TSNARE1: variants seen among roughly 807,000 people sequenced by gnomAD.
TSNARE1 encodes t-SNARE domain-containing protein 1.
In TSNARE1, 49 loss-of-function variants were observed where a neutral mutation model predicts 62.0. That is an observed-to-expected ratio of 0.79 (90% CI 0.63 to 1.00). The LOEUF is 1.00. TSNARE1 is among the 50% of genes least tolerant of loss of function. The probability of loss-of-function intolerance (pLI) is 0.00; values close to 1 mark genes in which losing one functional copy is unlikely to be tolerated. For synonymous variants in TSNARE1, 328 were observed against 294.4 expected (o/e 1.11, Z -1.17); for missense variants, 755 against 700.1 (o/e 1.08, Z -0.88).
At chr8:142,376,684 G>A (rs1226509094) in intron 1 of TSNARE1, among the ~76,000 whole-genome samples, 1 of 152,226 alleles carries the variant, frequency 6.6e-6, no homozygotes, top group African/African-American at 2.4e-5. Flanking sequence ...ATGGCCTGGA[G>A]AAGGTGTCAG....
intron 12 of TSNARE1, chr8:142,270,417 G>C (rs944975707): frequency 4.1e-6 from 4 of 984,880 alleles, no homozygotes; most frequent in Non-Finnish European, 3.6e-6. Context: ...AATACTTTTT[G>C]CAAGAAAAAT....
intron 6 of TSNARE1, among the ~76,000 whole-genome samples, chr8:142,318,914 G>A (rs920677887): frequency 6.6e-6 from 1 of 151,872 alleles, no homozygotes; most frequent in Non-Finnish European, 1.5e-5. Context: ...CACAGAGAAA[G>A]AGGAGGGGGC....
intron 10 of TSNARE1, among the ~76,000 whole-genome samples, chr8:142,287,530 C>T (rs1187380344): frequency 6.9e-6 from 1 of 145,020 alleles, no homozygotes; most frequent in Non-Finnish European, 1.5e-5. Context: ...GGCCAGATCT[C>T]GGGGATGGTG....
intron 2 of TSNARE1, among the ~76,000 whole-genome samples, chr8:142,346,421 C>T (rs1162054035): frequency 6.6e-6 from 1 of 152,280 alleles, no homozygotes; most frequent in Non-Finnish European, 1.5e-5. Flanking sequence ...CCAGCCCCCG[C>T]ACGGAACGCA....
At chr8:142,351,664 T>C (rs1834105712) in intron 2 of TSNARE1, among the ~76,000 whole-genome samples, 1 of 152,052 alleles carries the variant, frequency 6.6e-6, no homozygotes, top group African/African-American at 2.4e-5. Flanking sequence ...GACACTTCTG[T>C]AGAAAAATAA....
At position 142,354,734 on chromosome 8, in the gene TSNARE1, G is replaced by C; in HGVS notation, c.-10C>G. 1 of 1,611,396 alleles carries C rather than the reference G, an allele frequency of 6.2e-7. No individual in the cohort carries two copies. The highest frequency in any genetic ancestry group is 8.5e-7 in the Non-Finnish European group (1 of 1,178,098). Reference sequence around the variant, plus strand: ...TGGATCCGTATGACATCTTCTTACAGATGGCAGGGCCAGCAGCCTCCACAC... The same window carrying C: ...TGGATCCGTATGACATCTTCTTACACATGGCAGGGCCAGCAGCCTCCACAC... On this transcript the variant is annotated 5_prime_UTR_variant, in exon 2 of 14. In the 5' UTR this introduces an upstream ATG that the reference lacks. Transcript: ENST00000524325.
chr8:142,289,947 C>T (rs1252854219), intron 10 of TSNARE1, among the ~76,000 whole-genome samples: 1 of 152,160 alleles, frequency 6.6e-6, no homozygotes, highest in African/African-American at 2.4e-5. Flanking sequence ...GAGGGCCCAC[C>T]ACAAGAGACA....
chr8:142,354,383 C>T (rs1309045775), intron 2 of TSNARE1, among the ~76,000 whole-genome samples: 1 of 152,090 alleles, frequency 6.6e-6, no homozygotes, highest in Non-Finnish European at 1.5e-5. Flanking sequence ...GCTTGGTGCT[C>T]TAAGTGCCAG....
At chr8:142,282,855 A>C (rs1458046827) in intron 11 of TSNARE1, among the ~76,000 whole-genome samples, 1 of 104,298 alleles carries the variant, frequency 9.6e-6, no homozygotes, top group Non-Finnish European at 1.9e-5. Flanking sequence ...GCCAGTGTCT[A>C]TCAATGAGCA....
rs1346146558 is a variant in TSNARE1 at position 142,318,579 on chromosome 8, T to C, written c.949A>G (p.Lys317Glu). 1 of 1,613,438 alleles carries C rather than the reference T, an allele frequency of 6.2e-7. No individual in the cohort carries two copies. The highest frequency in any genetic ancestry group is 1.3e-5 in the African/African-American group (1 of 74,870). The change falls in exon 7 of 14, where the codon AAG (lysine) becomes GAG (glutamate). Residue 317 changes from lysine (K) to glutamate (E), a missense_variant. Transcript: ENST00000524325. The stretch of plus-strand genomic sequence containing the variant: ...CTGCGCAGCAGCTCGGCCATCTGCT[T>C]CACGGAGCTGGCGCTGGCTGCAATG... Reference protein sequence around the residue: ...KTIAASASSVKQMAELLRSSC... With the variant: ...KTIAASASSVEQMAELLRSSC...
intron 10 of TSNARE1, among the ~76,000 whole-genome samples, chr8:142,288,999 CG>C (rs1322103230): frequency 3.9e-5 from 6 of 152,174 alleles, no homozygotes; most frequent in Admixed American, 2.6e-4. Context: ...TGACCTCTTT[CG>C]AGCGAACGCA....
chr8:142,264,064 G>A (rs1330178102), intron 12 of TSNARE1, among the ~76,000 whole-genome samples: 1 of 152,056 alleles, frequency 6.6e-6, no homozygotes, highest in Non-Finnish European at 1.5e-5. Context: ...AGCATTGAAG[G>A]CTACTAAGTT....
At chr8:142,307,190 A>G (rs1280545771) in intron 9 of TSNARE1, among the ~76,000 whole-genome samples, 1 of 152,130 alleles carries the variant, frequency 6.6e-6, no homozygotes, top group Admixed American at 6.5e-5. Flanking sequence ...GCATGAATTC[A>G]GCTTGGACTC....
intron 6 of TSNARE1, among the ~76,000 whole-genome samples, chr8:142,321,498 T>C (rs1278560905): frequency 1.3e-5 from 2 of 151,966 alleles, no homozygotes; most frequent in East Asian, 1.9e-4. Flanking sequence ...ATTAATAAAA[T>C]AGCAAACAGA....
chr8:142,258,437 C>T (rs1248616085), intron 12 of TSNARE1, among the ~76,000 whole-genome samples: 1 of 151,600 alleles, frequency 6.6e-6, no homozygotes, highest in Non-Finnish European at 1.5e-5. Flanking sequence ...GGGCCTTCTG[C>T]CTTCCCTCAG....
intron 4 of TSNARE1, among the ~76,000 whole-genome samples, chr8:142,336,934 G>A (rs1309285507): frequency 6.6e-6 from 1 of 151,938 alleles, no homozygotes; most frequent in African/African-American, 2.4e-5. Flanking sequence ...AGAAATCAAA[G>A]AGAAATTAGG....
intron 9 of TSNARE1, among the ~76,000 whole-genome samples, chr8:142,309,944 T>G (rs1391211464): frequency 6.6e-6 from 1 of 151,566 alleles, no homozygotes; most frequent in Admixed American, 6.6e-5. Context: ...TCCCAGATTT[T>G]CTGTACCTCT....
intron 1 of TSNARE1, among the ~76,000 whole-genome samples, chr8:142,357,133 GAAAGAAGGAC>G (rs1834810103): frequency 6.6e-6 from 1 of 152,222 alleles, no homozygotes; most frequent in Non-Finnish European, 1.5e-5. Context: ...GAGAGTTCCA[GAAAGAAGGAC>G]AGGAGGGCCA....
rs1376867746 is a variant in TSNARE1, at chr8:142,275,737, T to C, written c.1364-874A>G. 37 of 985,278 alleles carry C rather than the reference T, an allele frequency of 3.8e-5. 1 individual carries two copies. In the Admixed American group the frequency reaches 2.3e-3, roughly 61 times the overall value. 61.0% of individuals were successfully genotyped at this position (985,278 alleles called of 1,614,324 possible). On this transcript the variant is annotated intron_variant, in intron 11 of 13. Coordinates refer to ENST00000524325, the MANE Select transcript of TSNARE1 (RefSeq NM_145003.5). ...GGGAGGCAGGAGTATCTAAACAAAC[T>C]GTGCACCTGCAGTGCCTACCAGGGC...
Sources: gnomAD v4.1 joint callset for allele counts (sites outside exome capture counted in the v4.1 genomes callset) on GRCh38, gnomAD v4.1.1 for gene constraint, MANE v1.5 for transcripts, NCBI Gene and HGNC (gene_info 2026-07-23, HGNC 2026-07-21) for gene names.